The following RARB variants were observed in gnomAD, a reference collection of about 807,000 sequenced individuals.
RARB encodes the protein HBV-activated protein.
RARB carries 17 observed loss-of-function variants against 51.9 expected under a neutral mutation model. The ratio of observed to expected loss-of-function variants is 0.33; its 90% CI spans 0.22 to 0.49. RARB has a LOEUF of 0.49. RARB is among the 20% of genes least tolerant of loss of function. The pLI, the probability that RARB is intolerant of heterozygous loss-of-function variation, is 0.99. For missense variants in RARB, 369 were observed against 550.8 expected (o/e 0.67, Z 3.30); for synonymous variants, 215 against 195.4 (o/e 1.10, Z -0.84).
At chr3:24,986,259 A>G (rs1333868772) in intron 2 of RARB, among the ~76,000 whole-genome samples, 2 of 152,176 alleles carry the variant, frequency 1.3e-5, no homozygotes, top group Non-Finnish European at 2.9e-5. Context: ...ATGTTCAAGT[A>G]ATAAATATGT....
intron 2 of RARB, among the ~76,000 whole-genome samples, chr3:24,975,753 T>C (rs1374934082): frequency 6.7e-6 from 1 of 148,662 alleles, no homozygotes; most frequent in African/African-American, 2.4e-5. Flanking sequence ...TCTTCTTTTT[T>C]GGGGAGTTGG....
rs758062670 is a variant in RARB at position 25,176,293 on chromosome 3, T to TTTTCTTTCTTTCTTTC, written c.178+1747_178+1762dup. Among the ~76,000 whole-genome samples, 82 of 64,196 alleles carry TTTTCTTTCTTTCTTTC rather than the reference T, an allele frequency of 1.3e-3. 13 individuals are homozygous for TTTTCTTTCTTTCTTTC. The highest frequency in any genetic ancestry group is 1.6e-3 in the African/African-American group (28 of 17,404). The allele number at this position is 64,196 out of a possible 152,430, so 42.1% of individuals were successfully genotyped here. On this transcript the variant is annotated intron_variant, in intron 5 of 11. Coordinates refer to the RARB transcript ENST00000383772. ...TGATTTATTTTTATTTATATTTATCTTTTCTTTCTTTCTTTCTTTCTTTCT... is the reference window on the plus strand; with the variant it reads ...TGATTTATTTTTATTTATATTTATCTTTTCTTTCTTTCTTTCTTTCTTTCTTTCTTTCTTTCTTTCT...
intron 3 of RARB, among the ~76,000 whole-genome samples, chr3:25,072,998 G>A (rs922816421): frequency 1.3e-5 from 2 of 151,978 alleles, no homozygotes; most frequent in Admixed American, 1.3e-4. Context: ...GCGCCCGGCC[G>A]GAGGGTTTCA....
At chr3:24,976,613 G>GTT (rs997174320) in intron 2 of RARB, among the ~76,000 whole-genome samples, 1 of 150,702 alleles carries the variant, frequency 6.6e-6, no homozygotes, top group African/African-American at 2.4e-5. Context: ...TTTTTGAAGG[G>GTT]TTTTTTTTTC....
chr3:25,003,575 G>A (rs1287031564), intron 2 of RARB, among the ~76,000 whole-genome samples: 1 of 152,038 alleles, frequency 6.6e-6, no homozygotes. Context: ...TTACTAATAT[G>A]TCCAAAATTT....
chr3:24,869,200 A>G (rs1347640316), intron 2 of RARB, among the ~76,000 whole-genome samples: 3 of 152,300 alleles, frequency 2.0e-5, no homozygotes, highest in Non-Finnish European at 2.9e-5. Flanking sequence ...TAAAATCACT[A>G]ATAGCAACTA....
intron 1 of RARB, among the ~76,000 whole-genome samples, chr3:25,433,188 A>G (rs534311539): frequency 1.4e-3 from 213 of 152,316 alleles, no homozygotes; most frequent in African/African-American, 4.7e-3. Flanking sequence ...AGTTATGACA[A>G]TCATGTATCT....
intron 4 of RARB, among the ~76,000 whole-genome samples, chr3:25,576,997 GAGCTCTTGT>G (rs1273730180): frequency 5.9e-5 from 9 of 152,316 alleles, no homozygotes; most frequent in Admixed American, 1.3e-4. Context: ...AGCTGTGCTG[GAGCTCTTGT>G]AGCCACCTGA....
chr3:25,106,903 T>A (rs986057786), intron 3 of RARB, among the ~76,000 whole-genome samples: 4 of 151,618 alleles, frequency 2.6e-5, no homozygotes, highest in African/African-American at 7.3e-5. Flanking sequence ...CTTCTGCATT[T>A]TTTTTTGTTG....
chr3:25,569,428 T>G (rs150848660), intron 3 of RARB, among the ~76,000 whole-genome samples: 1 of 152,336 alleles, frequency 6.6e-6, no homozygotes, highest in Admixed American at 6.5e-5. Flanking sequence ...GGTAAAGCTC[T>G]TGGAAAAATC....
At chr3:25,256,616 G>A (rs1028807994) in intron 5 of RARB, among the ~76,000 whole-genome samples, 5 of 152,122 alleles carry the variant, frequency 3.3e-5, no homozygotes, top group African/African-American at 9.6e-5. Context: ...TTTTATTTGA[G>A]CAAATATAAG....
At chr3:25,081,853 G>A (rs906577888) in intron 3 of RARB, among the ~76,000 whole-genome samples, 8 of 150,836 alleles carry the variant, frequency 5.3e-5, no homozygotes, top group Admixed American at 1.3e-4. Flanking sequence ...GGCTGGTCTC[G>A]AACTCCTGAC....
intron 3 of RARB, among the ~76,000 whole-genome samples, chr3:25,118,063 T>G (rs1314824222): frequency 2.6e-5 from 4 of 152,282 alleles, no homozygotes; most frequent in Admixed American, 6.5e-5. Flanking sequence ...ATAGTGTTCA[T>G]AAGTGAAATG....
rs186277682 is a variant in RARB at position 25,223,055 on chromosome 3, T to G, written c.178+48480T>G. 4.5e-3 allele frequency among the ~76,000 whole-genome samples: 684 copies of G among 152,318 alleles called. 4 individuals carry two copies. Among genetic ancestry groups the G allele is most frequent in the African/African-American group, 0.015 (637 of 41,576 alleles). ...GGTGTAATTTACAGGCAGTAAACTT[T>G]ACCCTGTGTGAATAAATTTTGATAA... On this transcript the variant is annotated intron_variant, in intron 5 of 11. Coordinates refer to the RARB transcript ENST00000383772.
intron 3 of RARB, among the ~76,000 whole-genome samples, chr3:25,544,173 C>G (rs1177307755): frequency 6.6e-6 from 1 of 151,576 alleles, no homozygotes; most frequent in Non-Finnish European, 1.5e-5. Context: ...AAAACAAGAT[C>G]AGAAAAATTG....
chr3:25,506,884 T>C (rs1282307206), intron 3 of RARB, among the ~76,000 whole-genome samples: 2 of 152,192 alleles, frequency 1.3e-5, no homozygotes, highest in Admixed American at 6.5e-5. Context: ...ACACCCAGCT[T>C]CCAGCCACAC....
At chr3:25,426,808 G>T (rs528358677), upstream of RARB, among the ~76,000 whole-genome samples, 5 of 152,282 alleles carry the variant, frequency 3.3e-5, no homozygotes, top group African/African-American at 1.2e-4. Flanking sequence ...GGGTAGATTG[G>T]CTCTCCCTTT....
chr3:25,314,950 G>A (rs1704385493), intron 5 of RARB, among the ~76,000 whole-genome samples: 1 of 152,130 alleles, frequency 6.6e-6, no homozygotes, highest in African/African-American at 2.4e-5. Context: ...GTAGCTGGAG[G>A]CCATTGTCCT....
At chr3:24,981,734 T>A (rs968578309) in intron 2 of RARB, among the ~76,000 whole-genome samples, 5 of 152,156 alleles carry the variant, frequency 3.3e-5, no homozygotes, top group Non-Finnish European at 7.3e-5. Flanking sequence ...TGACCCCTTA[T>A]GCTTCCTGGG....
Sources: allele counts gnomAD v4.1 joint callset (sites outside exome capture counted in the v4.1 genomes callset), GRCh38; gene constraint gnomAD v4.1.1; transcripts MANE v1.5; gene names NCBI Gene and HGNC (gene_info 2026-07-23, HGNC 2026-07-21).